Variants in LTBP1 observed in about 807,000 individuals in gnomAD.
LTBP1 encodes latent transforming growth factor beta binding protein 1, also known as latent-transforming growth factor beta-binding protein 1.
A neutral mutation model predicts 207.6 loss-of-function variants in LTBP1; 129 were observed. That is an observed-to-expected ratio of 0.62 (90% CI 0.54 to 0.72). LTBP1 has a LOEUF of 0.72. LTBP1 is among the 30% of genes least tolerant of loss of function. The probability of loss-of-function intolerance (pLI) is 0.00; values close to 1 mark genes in which losing one functional copy is unlikely to be tolerated. For missense variants in LTBP1, 2,281 were observed against 2,217.2 expected (o/e 1.03, Z -0.58); for synonymous variants, 963 against 833.7 (o/e 1.16, Z -2.67).
chr2:33,048,565 T>C (rs903280435), intron 3 of LTBP1, among the ~76,000 whole-genome samples: 1 of 152,248 alleles, frequency 6.6e-6, no homozygotes, highest in Non-Finnish European at 1.5e-5. Context: ...GTTGTACTTA[T>C]GTTTACTTCT....
chr2:33,203,666 A>G (rs2089570895), intron 7 of LTBP1, among the ~76,000 whole-genome samples: 1 of 152,106 alleles, frequency 6.6e-6, no homozygotes, highest in Admixed American at 6.6e-5. Flanking sequence ...TGCCTTTATC[A>G]TGACGTGGAA....
At chr2:33,014,806 C>T (rs1010206684) in intron 2 of LTBP1, among the ~76,000 whole-genome samples, 2 of 152,096 alleles carry the variant, frequency 1.3e-5, no homozygotes, top group Admixed American at 1.3e-4. Flanking sequence ...TAGTACTTGG[C>T]GCACAGATTG....
rs1327249870 is a variant in LTBP1, at chr2:33,363,384, C to T, written c.4271-6C>T. Reference sequence around the variant, plus strand: ...TTTTTGTATTTCTCAATTTTTTTCCCCGTAGATGCAGATGAATGCCTACTT... The same window carrying T: ...TTTTTGTATTTCTCAATTTTTTTCCTCGTAGATGCAGATGAATGCCTACTT... On this transcript the variant is annotated splice_polypyrimidine_tract_variant and splice_region_variant and intron_variant, in intron 28 of 33. Coordinates refer to ENST00000404816, the MANE Select transcript of LTBP1 (RefSeq NM_206943.4). The T allele has an allele frequency of 6.2e-7, 1 of 1,612,952 alleles. No homozygotes were observed. The highest frequency in any genetic ancestry group is 8.5e-7 in the Non-Finnish European group (1 of 1,179,350).
chr2:33,047,122 C>T (rs2076488120), intron 3 of LTBP1, among the ~76,000 whole-genome samples: 1 of 152,124 alleles, frequency 6.6e-6, no homozygotes, highest in South Asian at 2.1e-4. Flanking sequence ...TTCAGTTCTG[C>T]TCTGATCTTA....
chr2:33,188,403 G>T (rs547918266), intron 6 of LTBP1, among the ~76,000 whole-genome samples, 174 bp from the exon 7 acceptor site: 3 of 133,008 alleles, frequency 2.3e-5, no homozygotes, highest in Admixed American at 1.7e-4. Flanking sequence ...CATCAGCCTG[G>T]GTGACCAGAG....
At chr2:33,356,032 G>T (rs746934877) in intron 26 of LTBP1, among the ~76,000 whole-genome samples, 1 of 151,850 alleles carries the variant, frequency 6.6e-6, no homozygotes, top group Admixed American at 6.6e-5. Flanking sequence ...TTTGGTCTAG[G>T]TTCTGCAGCT....
intron 5 of LTBP1, among the ~76,000 whole-genome samples, chr2:33,178,152 A>ACCTC (rs2086250999): frequency 6.6e-6 from 1 of 152,182 alleles, no homozygotes; most frequent in African/African-American, 2.4e-5. Context: ...AGGAGGCCTC[A>ACCTC]ATCTCAAGGT....
intron 3 of LTBP1, among the ~76,000 whole-genome samples, chr2:33,031,507 A>G (rs982924692): frequency 7.2e-5 from 11 of 152,366 alleles, no homozygotes; most frequent in African/African-American, 2.6e-4. Context: ...AATACTGAAT[A>G]ACATAGCATA....
intron 3 of LTBP1, among the ~76,000 whole-genome samples, chr2:33,082,520 C>T (rs1380686464): frequency 5.7e-5 from 8 of 139,888 alleles, no homozygotes; most frequent in Non-Finnish European, 1.5e-5. Context: ...GATCTCGGCT[C>T]ACTGCAAGCT....
In LTBP1 at chr2:33,259,565, C is replaced by T. The variant is rs746633640; in HGVS notation, c.2396-23C>T. 3.8e-6 allele frequency: 6 copies of T among 1,582,870 alleles called. No individual in the cohort carries two copies. The East Asian group carries it at 1.1e-4, about 30-fold the overall frequency. On this transcript the variant is annotated intron_variant, in intron 12 of 33. Coordinates refer to ENST00000404816, the MANE Select transcript of LTBP1 (RefSeq NM_206943.4). ...TGAATTGTCTTAAATGGTACTAATA[C>T]CCTTTTTCTTTTCTGGTTTTAGTGG... is the stretch of plus-strand genomic sequence containing the variant.
At chr2:33,381,420 G>A (rs1190540267) in intron 31 of LTBP1, among the ~76,000 whole-genome samples, 5 of 152,164 alleles carry the variant, frequency 3.3e-5, no homozygotes, top group Admixed American at 2.6e-4. Flanking sequence ...GTGAAGGTTG[G>A]GAGTGGGGAG....
chr2:33,325,669 T>C (rs1276225288), intron 24 of LTBP1, among the ~76,000 whole-genome samples: 1 of 152,234 alleles, frequency 6.6e-6, no homozygotes. Flanking sequence ...ATATTTCACA[T>C]TTATCTTTTG....
rs538022080 is a variant in LTBP1, at chr2:32,989,111, C to T, written c.566-31798C>T. 5.9e-5 allele frequency among the ~76,000 whole-genome samples: 9 copies of T among 152,234 alleles called. No homozygotes were observed. The East Asian group carries it at 1.5e-3, about 26-fold the overall frequency. Reference sequence around the variant, plus strand: ...CATTGGAACATTGCTATAACGGAGTCCCTTATTGAACTCTGATATTCTTCT... The same window carrying T: ...CATTGGAACATTGCTATAACGGAGTTCCTTATTGAACTCTGATATTCTTCT... On this transcript the variant is annotated intron_variant, in intron 2 of 33. Transcript: ENST00000404816.
intron 32 of LTBP1, among the ~76,000 whole-genome samples, chr2:33,393,150 T>C (rs2095329461): frequency 4.7e-5 from 7 of 150,490 alleles, no homozygotes; most frequent in Admixed American, 4.6e-4. Flanking sequence ...ATCACCTAGG[T>C]GTGAAGCCCA....
chr2:33,375,759 G>A (rs1251950423), intron 31 of LTBP1, among the ~76,000 whole-genome samples: 3 of 150,354 alleles, frequency 2.0e-5, no homozygotes, highest in East Asian at 2.0e-4. Context: ...AGCCAGGGTG[G>A]CCTCAATCTC....
At chr2:33,341,729 A>ATATATATATATATAT (rs1553509296) in intron 24 of LTBP1, among the ~76,000 whole-genome samples, 30 of 93,610 alleles carry the variant, frequency 3.2e-4, no homozygotes, top group East Asian at 2.0e-3. Flanking sequence ...AAAAAAAAAA[A>ATATATATATATATAT]ATATATATAT....
chr2:33,083,269 A>G (rs1203914382), intron 3 of LTBP1, among the ~76,000 whole-genome samples: 2 of 152,008 alleles, frequency 1.3e-5, no homozygotes, highest in African/African-American at 2.4e-5. Context: ...CTCAAGATCA[A>G]TGAACATAAG....
intron 3 of LTBP1, among the ~76,000 whole-genome samples, chr2:33,101,070 G>A (rs1558637350): frequency 6.6e-6 from 1 of 152,132 alleles, no homozygotes; most frequent in Admixed American, 6.5e-5. Flanking sequence ...AAATTATATG[G>A]TAATTCTGTG....
intron 2 of LTBP1, among the ~76,000 whole-genome samples, chr2:32,953,488 T>C (rs1411227687): frequency 6.6e-6 from 1 of 152,230 alleles, no homozygotes; most frequent in African/African-American, 2.4e-5. Flanking sequence ...TCTTGTCATG[T>C]GACACAGACA....
Sources: gnomAD v4.1 joint callset for allele counts (sites outside exome capture counted in the v4.1 genomes callset) on GRCh38, gnomAD v4.1.1 for gene constraint, MANE v1.5 for transcripts, NCBI Gene and HGNC (gene_info 2026-07-23, HGNC 2026-07-21) for gene names.